PTPN9: variants seen among roughly 807,000 people sequenced by gnomAD.
PTPN9 encodes tyrosine-protein phosphatase non-receptor type 9.
A neutral mutation model predicts 69.8 loss-of-function variants in PTPN9; 26 were observed. That is an observed-to-expected ratio of 0.37 (90% confidence interval 0.27 to 0.52). The LOEUF is 0.52. Ranked by LOEUF, PTPN9 falls within the 20% of genes least tolerant of loss-of-function variation. The probability of loss-of-function intolerance (pLI) is 0.91; values close to 1 mark genes in which losing one functional copy is unlikely to be tolerated. For synonymous variants in PTPN9, 274 were observed against 272.5 expected, an observed-to-expected ratio of 1.01 and a Z score of -0.05; for missense variants, 549 against 740.3, an observed-to-expected ratio of 0.74 and a Z score of 3.00.
intron 7 of PTPN9, among the ~76,000 whole-genome samples, chr15:75,500,381 A>G (rs1396607415): frequency 6.6e-6 from 1 of 151,888 alleles, no homozygotes; most frequent in Non-Finnish European, 1.5e-5. Context: ...ATATATATAC[A>G]CACACAAATT....
intron 1 of PTPN9, among the ~76,000 whole-genome samples, chr15:75,568,140 T>G (rs145406391): frequency 2.6e-4 from 39 of 152,250 alleles, no homozygotes; most frequent in African/African-American, 9.4e-4. Context: ...TAAATAAGGT[T>G]TCCCATGAGT....
At chr15:75,563,578 C>G (rs1210815010) in intron 1 of PTPN9, among the ~76,000 whole-genome samples, 1 of 152,148 alleles carries the variant, frequency 6.6e-6, no homozygotes, top group African/African-American at 2.4e-5. Context: ...TTTTTTATGG[C>G]TCGGTAGTAT....
At chr15:75,567,975 G>A (rs1278012378) in intron 1 of PTPN9, among the ~76,000 whole-genome samples, 5 of 143,180 alleles carry the variant, frequency 3.5e-5, no homozygotes, top group Admixed American at 2.1e-4. Context: ...CAGCCTGGGC[G>A]ACACAGCGAG....
At chr15:75,517,143 A>T in intron 5 of PTPN9, 116 bp downstream of exon 5, 1 of 694,396 alleles carries the variant, frequency 1.4e-6, no homozygotes, top group Non-Finnish European at 2.4e-6. Context: ...GATGACCTTT[A>T]CATTGAACAT....
rs140229026 is a variant in PTPN9, at chr15:75,563,973, G to A, written c.63+14741C>T. Among the ~76,000 whole-genome samples, 172 of 152,174 alleles carry A rather than the reference G, an allele frequency of 1.1e-3. 1 individual carries two copies. The East Asian group carries it at 0.03, about 26-fold the overall frequency. The stretch of plus-strand genomic sequence containing the variant: ...AATTGATAAAAAATAACACTGTGTG[G>A]TGATTATCAGGGGAACAGAGACACT... On this transcript the variant is annotated intron_variant, in intron 1 of 12. Coordinates refer to ENST00000618819, the MANE Select transcript of PTPN9 (RefSeq NM_002833.4).
chr15:75,503,772 G>C (rs1344523367), intron 7 of PTPN9, among the ~76,000 whole-genome samples: 5 of 23,592 alleles, frequency 2.1e-4, no homozygotes, highest in Non-Finnish European at 3.0e-4. Flanking sequence ...AGGGAGGTGG[G>C]GGGGGGGTCA....
chr15:75,514,255 AGG>A (rs2074858584), intron 5 of PTPN9, among the ~76,000 whole-genome samples: 1 of 151,858 alleles, frequency 6.6e-6, no homozygotes, highest in Non-Finnish European at 1.5e-5. Flanking sequence ...ACCCATGAAA[AGG>A]GCCGGAATAT....
intron 8 of PTPN9, among the ~76,000 whole-genome samples, chr15:75,489,328 C>T (rs2074696755): frequency 1.3e-5 from 2 of 152,094 alleles, no homozygotes; most frequent in African/African-American, 2.4e-5. Context: ...CAAAAATTGG[C>T]CTGTAATTCC....
At chr15:75,470,039 C>T (rs770205704) in intron 11 of PTPN9, 40 bp from the exon 12 acceptor site, 2 of 1,536,500 alleles carry the variant, frequency 1.3e-6, no homozygotes, top group Non-Finnish European at 1.8e-6. Flanking sequence ...AAGGTTATTT[C>T]TGCCTGCCCC....
At chr15:75,555,262 T>C (rs2075072107) in intron 1 of PTPN9, among the ~76,000 whole-genome samples, 1 of 152,142 alleles carries the variant, frequency 6.6e-6, no homozygotes, top group Non-Finnish European at 1.5e-5. Flanking sequence ...AGCCAATTTA[T>C]AAATTCAAGA....
intron 1 of PTPN9, among the ~76,000 whole-genome samples, chr15:75,557,723 G>C (rs1010702355): frequency 2.0e-5 from 3 of 152,044 alleles, no homozygotes; most frequent in Non-Finnish European, 4.4e-5. Context: ...TTTTGATATG[G>C]GCTTTTACCA....
At chr15:75,504,833 G>T (rs1279853969) in intron 7 of PTPN9, among the ~76,000 whole-genome samples, 1 of 128,252 alleles carries the variant, frequency 7.8e-6, no homozygotes, top group African/African-American at 3.5e-5. Context: ...CAGCCGCCCC[G>T]TCCGGGAGGG....
intron 8 of PTPN9, among the ~76,000 whole-genome samples, chr15:75,489,161 C>G (rs1366589570): frequency 9.7e-6 from 1 of 103,346 alleles, no homozygotes; most frequent in Non-Finnish European, 1.8e-5. Context: ...GGGGACAGAG[C>G]AAGACTCCGT....
intron 1 of PTPN9, among the ~76,000 whole-genome samples, chr15:75,550,567 C>T (rs2075052945): frequency 6.6e-6 from 1 of 151,304 alleles, no homozygotes. Context: ...GTGGACGGAT[C>T]ATTTGAGGTC....
intron 6 of PTPN9, among the ~76,000 whole-genome samples, chr15:75,506,656 C>T (rs2074821146): frequency 6.6e-6 from 1 of 152,030 alleles, no homozygotes; most frequent in African/African-American, 2.4e-5. Context: ...AATACAGATG[C>T]ACACAACCAC....
chr15:75,543,248 A>G (rs918915109), intron 1 of PTPN9, among the ~76,000 whole-genome samples: 12 of 152,064 alleles, frequency 7.9e-5, no homozygotes, highest in African/African-American at 2.9e-4. Context: ...CACACAGACC[A>G]AAGAGCAAAG....
rs770680191 is a variant in PTPN9 at position 75,468,845 on chromosome 15, T to C, written c.1706A>G (p.Lys569Arg). ...QTPEQYYFCY[K>R]AILEFAEKEG... ...CTTCTCTGCGAACTCCAGGATGGCC[T>C]TGTAGCAAAAATAGTACTGCTCAGG... is the stretch of plus-strand genomic sequence containing the variant. The change falls in exon 13 of 13, where the codon AAG (lysine) becomes AGG (arginine). Residue 569 changes from lysine (K) to arginine (R), a missense_variant. Lys to Arg is a conservative substitution (Grantham distance 26, BLOSUM62 2). This residue lies in a region of PTPN9 where 457 missense variants were observed against 661.9 expected (regional missense o/e 0.69). Coordinates refer to ENST00000618819, the MANE Select transcript of PTPN9 (RefSeq NM_002833.4). 9.3e-6 allele frequency: 15 copies of C among 1,614,042 alleles called. No homozygotes were observed. Among genetic ancestry groups the C allele is most frequent in the Non-Finnish European group, 1.2e-5 (14 of 1,180,030 alleles).
At chr15:75,564,258 A>G (rs371166594) in intron 1 of PTPN9, among the ~76,000 whole-genome samples, 4 of 152,002 alleles carry the variant, frequency 2.6e-5, no homozygotes. Context: ...GCCAAAAACA[A>G]TAATTTTAAA....
intron 8 of PTPN9, among the ~76,000 whole-genome samples, chr15:75,486,782 T>G (rs969436381): frequency 1.6e-4 from 10 of 61,858 alleles, no homozygotes; most frequent in Admixed American, 1.5e-4. Context: ...ATATGTGGTG[T>G]TTTTTTTTTT....
Sources: allele counts gnomAD v4.1 joint callset (sites outside exome capture counted in the v4.1 genomes callset), GRCh38; gene constraint gnomAD v4.1.1; regional missense constraint gnomAD v4.1.1; transcripts MANE v1.5; gene names NCBI Gene and HGNC (gene_info 2026-07-23, HGNC 2026-07-21).